The following TPPP2 variants were observed in gnomAD, a reference collection of about 807,000 sequenced individuals.
The protein encoded by TPPP2 is tubulin polymerization promoting protein family member 2, also known as tubulin polymerization-promoting protein family member 2.
Under a neutral mutation model 13.0 loss-of-function variants are expected in TPPP2, and 8 were observed. The observed-to-expected ratio is 0.62, with a 90% confidence interval of 0.36 to 1.11. TPPP2 has a LOEUF of 1.11. Among genes scored for constraint, TPPP2 ranks in the 50% most tolerant of loss-of-function variants. The pLI is 0.02. For synonymous variants in TPPP2, 81 were observed against 81.8 expected (o/e 0.99, Z 0.05); for missense variants, 213 against 216.9 (o/e 0.98, Z 0.11).
At chr14:21,033,778 G>A, downstream of TPPP2, 1 of 1,266,812 alleles carries the variant, frequency 7.9e-7, no homozygotes, top group South Asian at 1.2e-5. Flanking sequence ...AATGGAGACA[G>A]CTGGCCTGTG....
rs143708257 is a variant in TPPP2 at position 21,031,902 on chromosome 14, C to T, written c.338C>T (p.Thr113Ile). The T allele has an allele frequency of 5.6e-6, 9 of 1,613,524 alleles. No homozygotes were observed. The highest frequency in any genetic ancestry group is 1.7e-5 in the Admixed American group (1 of 60,000). Residue 113 changes from threonine to isoleucine, a missense_variant, in exon 4 of 4, where the codon ACA (threonine) becomes ATA (isoleucine). Transcript: ENST00000321760. The stretch of plus-strand genomic sequence containing the variant: ...ATCCCTGGCTTGCAGAAAGCAACAA[C>T]AGTGGGTGCAGTGGACCGTTTGACA... ...PATTGATKAT[T>I]VGAVDRLTDT...
intron 3 of TPPP2, 69 bp downstream of exon 3, chr14:21,031,234 A>T: frequency 6.4e-7 from 1 of 1,557,332 alleles, no homozygotes; most frequent in Non-Finnish European, 8.7e-7. Flanking sequence ...TACCCTCCCT[A>T]ACCCTGCCAA....
At chr14:21,024,890 C>G in intron 1 of TPPP2, 1 of 985,592 alleles carries the variant, frequency 1.0e-6, no homozygotes, top group Non-Finnish European at 1.2e-6. Flanking sequence ...AGCCTTTGTG[C>G]GCAGCAACCG....
downstream of TPPP2, chr14:21,036,284 T>C: frequency 2.2e-6 from 1 of 456,220 alleles, no homozygotes; most frequent in Non-Finnish European, 4.4e-6. Flanking sequence ...AGAGAAAAAG[T>C]GTGATCCCTT....
Position 21,030,680 on chromosome 14 carries a change from G to A in TPPP2, c.99G>A (p.Leu33=), listed in dbSNP as rs761889310. The change falls in exon 2 of 4, where the codon CTG becomes CTA. Residue 33 remains leucine (L), a synonymous_variant. Transcript: ENST00000321760. Reference sequence around the variant, plus strand: ...TGAACAACAAGAACTTCTCCAAGCTGTGCAAAGACTGTGGCATCATGGATG... The same window carrying A: ...TGAACAACAAGAACTTCTCCAAGCTATGCAAAGACTGTGGCATCATGGATG... ...TEMNNKNFSK[L]CKDCGIMDGK... 2.5e-6 allele frequency: 4 copies of A among 1,614,182 alleles called. No individual in the cohort carries two copies. The highest frequency in any genetic ancestry group is 1.7e-5 in the Admixed American group (1 of 60,028).
At chr14:21,036,125 T>C, downstream of TPPP2, 1 of 451,700 alleles carries the variant, frequency 2.2e-6, no homozygotes, top group Non-Finnish European at 4.5e-6. Context: ...AGTCCATCAG[T>C]CACACAGCCC....
chr14:21,029,429 C>A (rs776058247), upstream of TPPP2, among the ~76,000 whole-genome samples: 2 of 151,978 alleles, frequency 1.3e-5, no homozygotes, highest in Admixed American at 1.3e-4. Flanking sequence ...GGCAAAACCC[C>A]GTCTCTACTA....
chr14:21,031,495 G>T (rs1452426200), intron 3 of TPPP2, among the ~76,000 whole-genome samples: 1 of 152,138 alleles, frequency 6.6e-6, no homozygotes, highest in Non-Finnish European at 1.5e-5. Context: ...CTTATTTAGG[G>T]TTTAATCTCA....
chr14:21,030,444 C>T, intron 1 of TPPP2, 69 bp from the exon 2 acceptor site: 1 of 864,028 alleles, frequency 1.2e-6, no homozygotes, highest in Non-Finnish European at 1.8e-6. Flanking sequence ...GAGAGAGCAA[C>T]AGGGAAGAGG....
rs1375512597 is a variant in TPPP2, at chr14:21,032,359, A to C, written c.*282A>C. ...AGGATGGAAGAATATATTTGGAGTA[A>C]AGAGATGAACCAGATGTGGAGGTAA... On this transcript the variant is annotated 3_prime_UTR_variant, in exon 4 of 4. Coordinates refer to ENST00000321760, the MANE Select transcript of TPPP2 (RefSeq NM_173846.5). 1.9e-6 allele frequency: 1 copy of C among 527,782 alleles called. No individual in the cohort carries two copies. 32.7% of individuals were successfully genotyped at this position (527,782 alleles called of 1,614,324 possible). A position where few individuals can be genotyped will look rare whatever the true frequency, so the allele number is the denominator to read the frequency against.
upstream of TPPP2, chr14:21,029,221 A>C (rs1883897871): frequency 6.6e-6 from 1 of 152,220 alleles, no homozygotes; most frequent in Non-Finnish European, 1.5e-5. Context: ...GGAGACTAGA[A>C]AACATGACAG....
chr14:21,034,219 T>C (rs369283355), downstream of TPPP2: 4 of 1,614,134 alleles, frequency 2.5e-6, no homozygotes, highest in Admixed American at 1.7e-5. Context: ...ATCTGCATCT[T>C]GATGTCCATG....
upstream of TPPP2, chr14:21,025,784 T>G: frequency 1.3e-6 from 1 of 789,156 alleles, no homozygotes; most frequent in Non-Finnish European, 1.5e-6. The surrounding 1 kb of genome is among the most constrained non-coding windows in gnomAD (Gnocchi z 5.1). Flanking sequence ...CCGCTATAAA[T>G]AGAGGGCGAT....
At chr14:21,024,335 T>C in exon 1 of TPPP2, 1 of 981,800 alleles carries the variant, frequency 1.0e-6, no homozygotes, top group Non-Finnish European at 1.2e-6. Context: ...AAGGAAGTGC[T>C]GATGTGGAGG....
At chr14:21,035,809 A>G (rs1326108019), downstream of TPPP2, 2 of 456,134 alleles carry the variant, frequency 4.4e-6, no homozygotes, top group South Asian at 3.1e-5. Flanking sequence ...CTGGTTACCT[A>G]TGCAAGAAAC....
At position 21,031,747 on chromosome 14, in the gene TPPP2, T is replaced by C. The variant is rs1594477749; in HGVS notation, c.328-145T>C. The stretch of plus-strand genomic sequence containing the variant: ...ACCAGAGTACCTGCCCACAGCTGTA[T>C]CTGGGCCCTAAGAAAGCAGCACCCC... On this transcript the variant is annotated intron_variant, in intron 3 of 3. Coordinates refer to ENST00000321760, the MANE Select transcript of TPPP2 (RefSeq NM_173846.5). 1.2e-5 allele frequency: 10 copies of C among 843,454 alleles called. No individual in the cohort carries two copies. The East Asian group carries it at 2.4e-4, about 20-fold the overall frequency. The allele number at this position is 843,454 out of a possible 1,614,324, so 52.2% of individuals were successfully genotyped here. A position where few individuals can be genotyped will look rare whatever the true frequency, so the allele number is the denominator to read the frequency against.
chr14:21,026,247 G>A (rs947420775), upstream of TPPP2, among the ~76,000 whole-genome samples: 5 of 152,054 alleles, frequency 3.3e-5, no homozygotes, highest in Admixed American at 6.5e-5. Flanking sequence ...GTGGCTTAAG[G>A]GAATTCGAAG....
downstream of TPPP2, among the ~76,000 whole-genome samples, chr14:21,035,034 G>A (rs1330765546): frequency 1.5e-4 from 23 of 152,228 alleles, no homozygotes; most frequent in Admixed American, 1.5e-3. Context: ...GGAACAAAGT[G>A]CTTCTTATTC....
downstream of TPPP2, chr14:21,035,966 T>C (rs1293565696): frequency 1.5e-5 from 6 of 395,644 alleles, no homozygotes; most frequent in African/African-American, 4.2e-5. Flanking sequence ...ACCATCTATC[T>C]GTTTACGAAA....
Sources: allele counts gnomAD v4.1 joint callset (sites outside exome capture counted in the v4.1 genomes callset), GRCh38; gene constraint gnomAD v4.1.1; non-coding constraint Gnocchi (gnomAD v3.1); transcripts MANE v1.5; gene names NCBI Gene and HGNC (gene_info 2026-07-23, HGNC 2026-07-21).